CTTNBP2: variants seen among roughly 807,000 people sequenced by gnomAD.
The protein encoded by CTTNBP2 is cortactin binding protein 2.
A neutral mutation model predicts 156.9 loss-of-function variants in CTTNBP2; 108 were observed. That is an observed-to-expected ratio of 0.69 (90% CI 0.59 to 0.81). The LOEUF (loss-of-function observed/expected upper bound fraction) is 0.81, where lower values mean the gene tolerates loss of function less well. CTTNBP2 is among the 30% of genes least tolerant of loss of function. CTTNBP2 has a pLI of 0.00. For synonymous variants in CTTNBP2, 767 were observed against 751.8 expected (o/e 1.02, Z -0.33); for missense variants, 1,924 against 2,035.4 (o/e 0.95, Z 1.05).
chr7:117,804,119 T>C (rs1016282950), intron 3 of CTTNBP2, among the ~76,000 whole-genome samples: 7 of 152,042 alleles, frequency 4.6e-5, no homozygotes, highest in Admixed American at 3.3e-4. Context: ...TGCGAGAACA[T>C]ACCTGGCTAA....
rs143605688 is a variant in CTTNBP2 at position 117,810,800 on chromosome 7, C to T, written c.379G>A (p.Ala127Thr). ...HCKKMQERMS[A>T]QLAAAESRQK... is the part of the protein sequence containing the mutation. ...CTGCTCTCAGCAGCAGCCAGCTGTG[C>T]GGACATCCTTTCTTGCATTTTCTTG... The change falls in exon 3 of 23, where the codon GCA (alanine) becomes ACA (threonine). Residue 127 changes from alanine to threonine, a missense_variant. Transcript: ENST00000160373. 2.2e-4 allele frequency: 347 copies of T among 1,613,648 alleles called. 1 individual carries two copies. In the African/African-American group the frequency reaches 3.1e-3, roughly 14 times the overall value.
intron 9 of CTTNBP2, among the ~76,000 whole-genome samples, chr7:117,766,145 C>A (rs973914248): frequency 6.6e-6 from 1 of 152,094 alleles, no homozygotes; most frequent in African/African-American, 2.4e-5. Flanking sequence ...CTTAGGTTAG[C>A]ATCAGCTTGT....
chr7:117,868,437 T>C (rs1446242313), intron 1 of CTTNBP2, among the ~76,000 whole-genome samples: 2 of 152,192 alleles, frequency 1.3e-5, no homozygotes, highest in African/African-American at 4.8e-5. Context: ...TATAACCTTT[T>C]AAACTGATCC....
intron 8 of CTTNBP2, among the ~76,000 whole-genome samples, chr7:117,767,775 T>A (rs1223570222): frequency 4.6e-5 from 7 of 152,232 alleles, no homozygotes; most frequent in Non-Finnish European, 1.0e-4. Context: ...CCTTTTCAGC[T>A]TTTTCTTCTT....
intron 2 of CTTNBP2, among the ~76,000 whole-genome samples, chr7:117,832,331 A>C (rs1439404809): frequency 6.6e-6 from 1 of 152,202 alleles, no homozygotes; most frequent in Non-Finnish European, 1.5e-5. Context: ...TCTCCTGCTC[A>C]GTCCCTACAT....
chr7:117,717,702 A>T (rs548982288), intron 22 of CTTNBP2, among the ~76,000 whole-genome samples: 1 of 152,074 alleles, frequency 6.6e-6, no homozygotes. Context: ...TCACCTGAGG[A>T]TAAGGCAGAA....
intron 2 of CTTNBP2, among the ~76,000 whole-genome samples, chr7:117,822,687 C>T (rs1253134714): frequency 6.6e-6 from 1 of 152,200 alleles, no homozygotes; most frequent in Non-Finnish European, 1.5e-5. Context: ...CTAACTGCGA[C>T]TGATTTCTCA....
chr7:117,842,977 C>T (rs1802364310), intron 2 of CTTNBP2, among the ~76,000 whole-genome samples: 1 of 152,162 alleles, frequency 6.6e-6, no homozygotes, highest in Non-Finnish European at 1.5e-5. Flanking sequence ...ATAGTATAGT[C>T]AGCCCTCTGT....
intron 17 of CTTNBP2, among the ~76,000 whole-genome samples, chr7:117,727,557 T>C (rs1223847201): frequency 2.0e-5 from 3 of 152,258 alleles, no homozygotes; most frequent in African/African-American, 7.2e-5. Context: ...CCAGAAACTA[T>C]AGAATCAAAT....
intron 8 of CTTNBP2, among the ~76,000 whole-genome samples, chr7:117,773,495 G>A (rs951117493): frequency 1.3e-5 from 2 of 152,186 alleles, no homozygotes; most frequent in African/African-American, 4.8e-5. Context: ...TGCTGGAGAT[G>A]AATGTCTGGA....
At chr7:117,746,149 G>C in intron 12 of CTTNBP2, 50 bp from the exon 13 acceptor site, 1 of 1,292,594 alleles carries the variant, frequency 7.7e-7, no homozygotes, top group Non-Finnish European at 1.1e-6. Context: ...AAATTGATGA[G>C]AGAAAAAAGT....
chr7:117,763,390 C>A (rs946326661), intron 9 of CTTNBP2, among the ~76,000 whole-genome samples: 5 of 151,054 alleles, frequency 3.3e-5, no homozygotes, highest in African/African-American at 4.8e-5. Flanking sequence ...TGTAACTGCA[C>A]AAAACTTGTC....
rs116336110 is a variant in CTTNBP2 at position 117,761,353 on chromosome 7, G to C, written c.2897-643C>G. 9.0e-3 allele frequency among the ~76,000 whole-genome samples: 1,367 copies of C among 152,316 alleles called. 27 individuals carry two copies. Among genetic ancestry groups the C allele is most frequent in the African/African-American group, 0.031 (1,296 of 41,562 alleles). On this transcript the variant is annotated intron_variant, in intron 9 of 22. Transcript: ENST00000160373. ...TGATAAATGGTTAACAGGGTAGCAG[G>C]ATTTAACTTTTGAAATGTTCTTTCC...
intron 3 of CTTNBP2, among the ~76,000 whole-genome samples, chr7:117,800,730 T>A (rs1799562725): frequency 6.6e-6 from 1 of 152,020 alleles, no homozygotes; most frequent in Non-Finnish European, 1.5e-5. Context: ...GGAATTAGAT[T>A]CAGGAATGTC....
chr7:117,725,173 A>G lies in CTTNBP2; in HGVS notation c.4140T>C (p.Pro1380=), dbSNP rs767993942. 1 of 1,613,978 alleles carries G rather than the reference A, an allele frequency of 6.2e-7. No individual in the cohort carries two copies. Among genetic ancestry groups the G allele is most frequent in the South Asian group, 1.1e-5 (1 of 91,068 alleles). Residue 1380 remains proline (P), a synonymous_variant, in exon 18 of 23, where the codon CCT becomes CCC. Coordinates refer to ENST00000160373, the MANE Select transcript of CTTNBP2 (RefSeq NM_033427.3). The part of the protein sequence containing the change: ...ILSRASVKRQ[P]GFGQTTAKRH... ...TTTTAGCAGTTGTCTGCCCAAAGCCAGGTTGTCTTTTCACAGAGGCTCTTG... is the reference window on the plus strand; with the variant it reads ...TTTTAGCAGTTGTCTGCCCAAAGCCGGGTTGTCTTTTCACAGAGGCTCTTG...
chr7:117,845,511 TAAAA>T (rs375508080), intron 2 of CTTNBP2, among the ~76,000 whole-genome samples: 22 of 152,072 alleles, frequency 1.4e-4, no homozygotes, highest in Admixed American at 1.1e-3. Flanking sequence ...CATTAATAAT[TAAAA>T]AAAAGGATAT....
intron 21 of CTTNBP2, among the ~76,000 whole-genome samples, chr7:117,718,851 A>T (rs1304481148): frequency 2.0e-5 from 3 of 152,224 alleles, no homozygotes; most frequent in Non-Finnish European, 4.4e-5. Flanking sequence ...TGCCAAAGTT[A>T]GGAATGTGGA....
In CTTNBP2 at chr7:117,861,327, T is replaced by TA; in HGVS notation, c.82-12dup. 6.4e-7 allele frequency: 1 copy of TA among 1,569,986 alleles called. No individual in the cohort carries two copies. ...ATCAAACTCTTTTTTCTGTAACACA[T>TA]AAAAAAATAAGGCCATGAAAAATCT... On this transcript the variant is annotated splice_polypyrimidine_tract_variant and intron_variant, in intron 1 of 22. Coordinates refer to ENST00000160373, the MANE Select transcript of CTTNBP2 (RefSeq NM_033427.3).
At chr7:117,786,200 T>C (rs1273583152) in intron 4 of CTTNBP2, among the ~76,000 whole-genome samples, 1 of 152,232 alleles carries the variant, frequency 6.6e-6, no homozygotes, top group African/African-American at 2.4e-5. Context: ...CTGGATATTA[T>C]ATCTTTATAA....
Sources: allele counts gnomAD v4.1 joint callset (sites outside exome capture counted in the v4.1 genomes callset), GRCh38; gene constraint gnomAD v4.1.1; transcripts MANE v1.5; gene names NCBI Gene and HGNC (gene_info 2026-07-23, HGNC 2026-07-21).